Variants in GLI4 observed in about 807,000 individuals in gnomAD.
The protein encoded by GLI4 is zinc finger protein GLI4.
In GLI4, 34 loss-of-function variants were observed where a neutral mutation model predicts 30.9. The ratio of observed to expected loss-of-function variants is 1.10; its 90% CI spans 0.84 to 1.47. The LOEUF (loss-of-function observed/expected upper bound fraction) is 1.47, where lower values mean the gene tolerates loss of function less well. GLI4 is among the 40% of genes most tolerant of loss of function. The probability of loss-of-function intolerance (pLI) is 0.00; values close to 1 mark genes in which losing one functional copy is unlikely to be tolerated. For missense variants in GLI4, 696 were observed against 538.9 expected (o/e 1.29, Z -2.89); for synonymous variants, 277 against 236.7 (o/e 1.17, Z -1.56).
intron 1 of GLI4, chr8:143,267,687 C>T (rs1815167736): frequency 1.0e-6 from 1 of 985,250 alleles, no homozygotes; most frequent in Non-Finnish European, 1.2e-6. Context: ...CGGACCGCCC[C>T]GCCCAGCGGC....
chr8:143,270,075 A>T (rs1416648230), intron 2 of GLI4, among the ~76,000 whole-genome samples: 1 of 152,236 alleles, frequency 6.6e-6, no homozygotes, highest in African/African-American at 2.4e-5. Flanking sequence ...AGGGATCCTG[A>T]GGCTACATCT....
chr8:143,270,719 G>C (rs927891322), intron 2 of GLI4, among the ~76,000 whole-genome samples: 1 of 152,200 alleles, frequency 6.6e-6, no homozygotes, highest in African/African-American at 2.4e-5. Context: ...TGGGGACACA[G>C]AAGCCCAGAG....
rs1330093662 is a variant in GLI4 at position 143,276,800 on chromosome 8, A to C, written c.1127A>C (p.Glu376Ala). Reference protein sequence around the residue: ...LIQHQRVHYRE With the variant: ...LIQHQRVHYRA The stretch of plus-strand genomic sequence containing the variant: ...CAGCACCAGCGGGTGCACTACCGCG[A>C]GTAGCCGGGCGGGGGCTCGGGGCTC... Residue 376 changes from glutamate to alanine, a missense_variant, in exon 4 of 4, where the codon GAG (glutamate) becomes GCG (alanine). By Grantham distance (107) the Glu-to-Ala change is moderately radical. Transcript: ENST00000340042. 2 of 1,557,714 alleles carry C rather than the reference A, an allele frequency of 1.3e-6. No individual in the cohort carries two copies. The highest frequency in any genetic ancestry group is 1.4e-5 in the African/African-American group (1 of 73,612).
At chr8:143,275,847 C>A (rs1239127641) in intron 3 of GLI4, 50 bp from the exon 4 acceptor site, 4 of 1,256,260 alleles carry the variant, frequency 3.2e-6, no homozygotes, top group Non-Finnish European at 3.0e-6. Context: ...CCCTCCGTGC[C>A]ACGGTGGGGG....
intron 1 of GLI4, among the ~76,000 whole-genome samples, chr8:143,268,580 A>T (rs1248060117): frequency 6.6e-6 from 1 of 152,100 alleles, no homozygotes; most frequent in Non-Finnish European, 1.5e-5. Flanking sequence ...GTTCGGGAAA[A>T]ACCTTATTAA....
In GLI4 at chr8:143,269,475, A is replaced by T; in HGVS notation, c.79A>T (p.Thr27Ser). The change falls in exon 2 of 4, where the codon ACC becomes TCC. Residue 27 changes from threonine to serine, a missense_variant. By Grantham distance (58) the Thr-to-Ser change is moderately conservative. Transcript: ENST00000340042. ...VSLSSPGTPG[T>S]QHHEPQLHLH... ...TCTCTCATCACCGGGGACACCTGGAACCCAGCACCACGAGCCTCAGCTTCA... is the reference window on the plus strand; with the variant it reads ...TCTCTCATCACCGGGGACACCTGGATCCCAGCACCACGAGCCTCAGCTTCA... The T allele has an allele frequency of 6.2e-7, 1 of 1,612,772 alleles. No individual in the cohort carries two copies. Among genetic ancestry groups the T allele is most frequent in the Non-Finnish European group, 8.5e-7 (1 of 1,179,316 alleles).
Position 143,276,626 on chromosome 8 carries a change from C to G in GLI4, c.953C>G (p.Thr318Ser), listed in dbSNP as rs1057228302. The part of the protein sequence containing the change: ...SVLIEHQRIH[T>S]GEKPYECSDC... Reference sequence around the variant, plus strand: ...CTCATCGAGCACCAGCGCATCCACACTGGCGAGAAGCCCTACGAGTGCTCC... The same window carrying G: ...CTCATCGAGCACCAGCGCATCCACAGTGGCGAGAAGCCCTACGAGTGCTCC... Residue 318 changes from threonine to serine, a missense_variant, in exon 4 of 4, where the codon ACT (threonine) becomes AGT (serine). Transcript: ENST00000340042. 6 of 1,612,470 alleles carry G rather than the reference C, an allele frequency of 3.7e-6. No individual in the cohort carries two copies. In the African/African-American group the frequency reaches 8.0e-5, roughly 22 times the overall value.
intron 2 of GLI4, among the ~76,000 whole-genome samples, chr8:143,273,593 T>C (rs1815316669): frequency 6.6e-6 from 1 of 152,166 alleles, no homozygotes; most frequent in African/African-American, 2.4e-5. Flanking sequence ...CAGGCCTGCC[T>C]GAGGCTGGAA....
intron 2 of GLI4, among the ~76,000 whole-genome samples, chr8:143,274,255 A>C (rs1231288713): frequency 2.0e-5 from 3 of 152,198 alleles, no homozygotes; most frequent in Non-Finnish European, 2.9e-5. Flanking sequence ...GAGGGACAGA[A>C]AGGTCTGGGG....
At position 143,276,451 on chromosome 8, in the gene GLI4, A is replaced by G. The variant is rs372738020; in HGVS notation, c.778A>G (p.Ile260Val). The change falls in exon 4 of 4, where the codon ATC becomes GTC. Residue 260 changes from isoleucine to valine, a missense_variant. By Grantham distance (29) the Ile-to-Val change is conservative (BLOSUM62 3). Coordinates refer to ENST00000340042, the MANE Select transcript of GLI4 (RefSeq NM_138465.4). ...CTCGCACTTCACGCAGCACCTGCGCATCCACAACGGCGAGAAGCCCTACAA... is the reference window on the plus strand; with the variant it reads ...CTCGCACTTCACGCAGCACCTGCGCGTCCACAACGGCGAGAAGCCCTACAA... ...HSSHFTQHLR[I>V]HNGEKPYKCG... 67 of 1,612,558 alleles carry G rather than the reference A, an allele frequency of 4.2e-5. No individual in the cohort carries two copies. Among genetic ancestry groups the G allele is most frequent in the Non-Finnish European group, 5.3e-5 (62 of 1,179,730 alleles).
At chr8:143,275,383 C>A (rs1200561448) in intron 3 of GLI4, 1 of 1,399,246 alleles carries the variant, frequency 7.1e-7, no homozygotes, top group Non-Finnish European at 9.3e-7. Flanking sequence ...GGAAAGAGAC[C>A]CTGGGCCAGA....
At chr8:143,268,180 T>C (rs1392639461) in intron 1 of GLI4, 11 of 734,318 alleles carry the variant, frequency 1.5e-5, no homozygotes, top group Non-Finnish European at 1.8e-5. Flanking sequence ...GACCTGACCC[T>C]TCCCATCATT....
chr8:143,276,195 G>A lies in GLI4; in HGVS notation c.522G>A (p.Gln174=). 1.0e-5 allele frequency: 16 copies of A among 1,568,272 alleles called. No homozygotes were observed. Among genetic ancestry groups the A allele is most frequent in the Non-Finnish European group, 1.3e-5 (15 of 1,157,550 alleles). Residue 174 remains glutamine, a synonymous_variant, in exon 4 of 4, where the codon CAG becomes CAA. Coordinates refer to ENST00000340042, the MANE Select transcript of GLI4 (RefSeq NM_138465.4). The stretch of plus-strand genomic sequence containing the variant: ...GAGTCAACTTCGGTCGGAGCCGGCA[G>A]GGCAGCGCGCGGGGGGCCAAGCCGC... ...ELGVNFGRSR[Q]GSARGAKPHR...
intron 3 of GLI4, 176 bp from the exon 4 acceptor site, chr8:143,275,721 C>T (rs927210996): frequency 4.8e-6 from 6 of 1,241,284 alleles, no homozygotes; most frequent in Non-Finnish European, 6.0e-6. Flanking sequence ...TGTCAGCTCT[C>T]CTGGGCACGG....
At chr8:143,271,338 A>G (rs1815264117) in intron 2 of GLI4, among the ~76,000 whole-genome samples, 1 of 152,096 alleles carries the variant, frequency 6.6e-6, no homozygotes, top group African/African-American at 2.4e-5. Flanking sequence ...GGCGGCCTTC[A>G]TCCCCTCTTC....
chr8:143,276,701 G>A lies in GLI4; in HGVS notation c.1028G>A (p.Arg343Gln). ...CGCTCGCACTTCTTCCGGCACCTGC[G>A]GACCCACACGGGCGAGAAGCCCTTC... ...RGRSHFFRHL[R>Q]THTGEKPFAC... The change falls in exon 4 of 4, where the codon CGG becomes CAG. Residue 343 changes from arginine to glutamine, a missense_variant. Transcript: ENST00000340042. 1 of 1,611,216 alleles carries A rather than the reference G, an allele frequency of 6.2e-7. No individual in the cohort carries two copies.
rs1441711066 is a variant in GLI4, at chr8:143,267,468, C to T, written c.-54C>T. On this transcript the variant is annotated 5_prime_UTR_variant, in exon 1 of 4. Coordinates refer to ENST00000340042, the MANE Select transcript of GLI4 (RefSeq NM_138465.4). ...ACACTTCCGTCCGGCGCGCGGCGTCCTCCTCCCGCTCGGAAGGTGAGTGGG... is the reference window on the plus strand; with the variant it reads ...ACACTTCCGTCCGGCGCGCGGCGTCTTCCTCCCGCTCGGAAGGTGAGTGGG... 3.0e-6 allele frequency: 3 copies of T among 985,540 alleles called. No homozygotes were observed. Among genetic ancestry groups the T allele is most frequent in the Non-Finnish European group, 2.4e-6 (2 of 830,056 alleles). 61.0% of individuals were successfully genotyped at this position (985,540 alleles called of 1,614,324 possible).
Position 143,276,469 on chromosome 8 carries a change from C to A in GLI4, c.796C>A (p.Pro266Thr), listed in dbSNP as rs1248252626. The change falls in exon 4 of 4, where the codon CCC becomes ACC. Residue 266 changes from proline to threonine, a missense_variant. Coordinates refer to ENST00000340042, the MANE Select transcript of GLI4 (RefSeq NM_138465.4). ...CCTGCGCATCCACAACGGCGAGAAGCCCTACAAGTGCGGCGAGTGCGGCCA... is the reference window on the plus strand; with the variant it reads ...CCTGCGCATCCACAACGGCGAGAAGACCTACAAGTGCGGCGAGTGCGGCCA... ...QHLRIHNGEK[P>T]YKCGECGQAF... is the part of the protein sequence containing the mutation. 2.5e-6 allele frequency: 4 copies of A among 1,613,004 alleles called. No individual in the cohort carries two copies. The highest frequency in any genetic ancestry group is 3.4e-6 in the Non-Finnish European group (4 of 1,179,854).
intron 3 of GLI4, chr8:143,275,147 C>A: frequency 1.3e-6 from 2 of 1,535,778 alleles, no homozygotes; most frequent in Non-Finnish European, 1.7e-6. Context: ...ACTGTCCCCC[C>A]AGATCCACGA....
Sources: allele counts gnomAD v4.1 joint callset (sites outside exome capture counted in the v4.1 genomes callset), GRCh38; gene constraint gnomAD v4.1.1; transcripts MANE v1.5; gene names NCBI Gene and HGNC (gene_info 2026-07-23, HGNC 2026-07-21).